SPRY1: variants seen among roughly 807,000 people sequenced by gnomAD.
The protein encoded by SPRY1 is sprouty RTK signaling antagonist 1.
Under a neutral mutation model 22.6 loss-of-function variants are expected in SPRY1, and 20 were observed. The observed-to-expected ratio is 0.89, with a 90% CI of 0.62 to 1.29. The LOEUF (loss-of-function observed/expected upper bound fraction) is 1.29. Among genes scored for constraint, SPRY1 ranks in the 50% most tolerant of loss-of-function variants. The probability of loss-of-function intolerance (pLI) is 0.00; values close to 1 mark genes in which losing one functional copy is unlikely to be tolerated. For synonymous variants in SPRY1, 155 were observed against 144.7 expected (o/e 1.07, Z -0.51); for missense variants, 446 against 387.7 (o/e 1.15, Z -1.26).
At chr4:123,401,353 G>A (rs1479551170) in intron 2 of SPRY1, among the ~76,000 whole-genome samples, 184 bp from the exon 3 acceptor site, 3 of 152,032 alleles carry the variant, frequency 2.0e-5, no homozygotes, top group Non-Finnish European at 4.4e-5. Flanking sequence ...CCTCTATGAT[G>A]TGGTCCCCAG....
chr4:123,397,227 G>C (rs1047012660), intron 1 of SPRY1, among the ~76,000 whole-genome samples: 1 of 152,216 alleles, frequency 6.6e-6, no homozygotes, highest in African/African-American at 2.4e-5. Context: ...TATGCGAAGA[G>C]GGGCTAGCAC....
chr4:123,398,170 C>A (rs775787489), intron 2 of SPRY1: 2 of 152,364 alleles, frequency 1.3e-5, no homozygotes, highest in Non-Finnish European at 2.9e-5. Context: ...ACTTGGGAAG[C>A]CTTCCTGAAA....
chr4:123,401,671 T>C lies in SPRY1; in HGVS notation c.80T>C (p.Leu27Ser), dbSNP rs1020791706. ...QQPSLDSRQR[L>S]DYEREIQPTA... ...CCTTCTTTGGATAGCCGTCAGAGAT[T>C]AGACTATGAGAGAGAGATTCAGCCT... is the stretch of plus-strand genomic sequence containing the variant. Residue 27 changes from leucine (L) to serine (S), a missense_variant, in exon 3 of 3, where the codon TTA (leucine) becomes TCA (serine). By Grantham distance (145) the Leu-to-Ser change is moderately radical (BLOSUM62 -2). Coordinates refer to ENST00000651917, the MANE Select transcript of SPRY1 (RefSeq NM_001258038.2). 6.2e-6 allele frequency: 10 copies of C among 1,614,022 alleles called. No homozygotes were observed. The Admixed American group carries it at 8.3e-5, about 13-fold the overall frequency.
chr4:123,400,992 T>A (rs1446573265), intron 2 of SPRY1, among the ~76,000 whole-genome samples: 3 of 152,208 alleles, frequency 2.0e-5, no homozygotes, highest in African/African-American at 2.4e-5. Context: ...AAATTACCTA[T>A]TATTTTGCGA....
chr4:123,397,270 G>C (rs908549621), intron 1 of SPRY1, among the ~76,000 whole-genome samples: 1 of 152,182 alleles, frequency 6.6e-6, no homozygotes, highest in Non-Finnish European at 1.5e-5. Context: ...GTTTGTTTAG[G>C]CATTGTTGGC....
At chr4:123,401,490 T>G in intron 2 of SPRY1, 47 bp from the exon 3 acceptor site, 2 of 1,409,988 alleles carry the variant, frequency 1.4e-6, no homozygotes, top group Non-Finnish European at 1.9e-6. Flanking sequence ...AAAAAAATGC[T>G]TCCTGTCATT....
In SPRY1 at chr4:123,403,525, A is replaced by G. The variant is rs893360693; in HGVS notation, c.*974A>G. On this transcript the variant is annotated 3_prime_UTR_variant, in exon 3 of 3. Coordinates refer to ENST00000651917, the MANE Select transcript of SPRY1 (RefSeq NM_001258038.2). ...TGCTTTTTGTATATTTTATGTATAA[A>G]TCACAAAGTTGAATTCTGACTATTT... The G allele has an allele frequency of 6.0e-6, 1 of 167,050 alleles. No individual in the cohort carries two copies. Among genetic ancestry groups the G allele is most frequent in the Non-Finnish European group, 1.5e-5 (1 of 68,112 alleles). The allele number at this position is 167,050 out of a possible 1,614,324, so 10.3% of individuals were successfully genotyped here.
intron 2 of SPRY1, among the ~76,000 whole-genome samples, chr4:123,398,953 A>G (rs949918615): frequency 2.0e-5 from 3 of 152,102 alleles, no homozygotes; most frequent in Admixed American, 1.3e-4. Flanking sequence ...GTGTGTGTGT[A>G]GGCACATCCC....
rs1301960824 is a variant in SPRY1, at chr4:123,402,501, T to C, written c.910T>C (p.Tyr304His). The C allele has an allele frequency of 1.8e-5, 29 of 1,614,032 alleles. No homozygotes were observed. The Admixed American group carries it at 3.8e-4, about 21-fold the overall frequency. The change falls in exon 3 of 3, where the codon TAT becomes CAT. Residue 304 changes from tyrosine (Y) to histidine (H), a missense_variant. Transcript: ENST00000651917. ...CAGATGTAAGAACTCCAACACTGTCTATTGTAAGCTGGAGAGCTGCCCCTC... is the reference window on the plus strand; with the variant it reads ...CAGATGTAAGAACTCCAACACTGTCCATTGTAAGCTGGAGAGCTGCCCCTC... ...GCRCKNSNTV[Y>H]CKLESCPSRG...
chr4:123,401,474 C>A (rs1560732081), intron 2 of SPRY1, 63 bp from the exon 3 acceptor site: 3 of 1,311,258 alleles, frequency 2.3e-6, no homozygotes, highest in Middle Eastern at 2.8e-4. Context: ...GGATTCCCCC[C>A]CCCCAAAAAA....
chr4:123,402,202 G>A lies in SPRY1; in HGVS notation c.611G>A (p.Cys204Tyr), dbSNP rs151050902. The part of the protein sequence containing the change: ...APRTLPSCLA[C>Y]NRQCLCSAES... Reference sequence around the variant, plus strand: ...AGGACCCTACCATCCTGTTTGGCCTGTAACCGGCAGTGCCTTTGCTCTGCT... The same window carrying A: ...AGGACCCTACCATCCTGTTTGGCCTATAACCGGCAGTGCCTTTGCTCTGCT... Residue 204 changes from cysteine to tyrosine, a missense_variant, in exon 3 of 3, where the codon TGT becomes TAT. Cys to Tyr is a radical substitution (Grantham distance 194). Transcript: ENST00000651917. The A allele has an allele frequency of 1.2e-6, 2 of 1,614,238 alleles. No individual in the cohort carries two copies. Among genetic ancestry groups the A allele is most frequent in the Non-Finnish European group, 8.5e-7 (1 of 1,180,040 alleles).
chr4:123,401,466 A>C, intron 2 of SPRY1, 71 bp from the exon 3 acceptor site: 211 of 1,192,358 alleles, frequency 1.8e-4, no homozygotes, highest in African/African-American at 2.0e-4. Flanking sequence ...ATTTGACAGG[A>C]TTCCCCCCCC....
intron 2 of SPRY1, among the ~76,000 whole-genome samples, chr4:123,398,933 G>A (rs547558175): frequency 1.3e-5 from 2 of 152,268 alleles, no homozygotes; most frequent in Admixed American, 6.5e-5. Context: ...CAAAGGCTGT[G>A]TGTGTGCGTG....
chr4:123,396,983 T>C (rs545598400), intron 1 of SPRY1, 51 bp downstream of exon 1: 2 of 152,240 alleles, frequency 1.3e-5, no homozygotes, highest in Admixed American at 6.5e-5. Flanking sequence ...AGGTGAGAAA[T>C]GTTGACTTTT....
chr4:123,397,367 A>AACAAGGCCTAGG (rs1724951356), intron 1 of SPRY1, among the ~76,000 whole-genome samples: 3 of 152,138 alleles, frequency 2.0e-5, no homozygotes, highest in Non-Finnish European at 4.4e-5. Flanking sequence ...CGTTGCTTGA[A>AACAAGGCCTAGG]CGTTGTTTGA....
intron 2 of SPRY1, among the ~76,000 whole-genome samples, chr4:123,401,256 G>C (rs763808650): frequency 2.0e-5 from 3 of 152,106 alleles, no homozygotes; most frequent in Non-Finnish European, 2.9e-5. Context: ...TCACAAACAG[G>C]AAGGCATTAC....
In SPRY1 at chr4:123,402,877, C is replaced by G. The variant is rs1725231216; in HGVS notation, c.*326C>G. ...TGTGTACATGAACATACACCCACATCCAGACTACAGTGATTTAGAGTTGTT... is the reference window on the plus strand; with the variant it reads ...TGTGTACATGAACATACACCCACATGCAGACTACAGTGATTTAGAGTTGTT... On this transcript the variant is annotated 3_prime_UTR_variant, in exon 3 of 3. Transcript: ENST00000651917. 1 of 473,058 alleles carries G rather than the reference C, an allele frequency of 2.1e-6. No homozygotes were observed. The highest frequency in any genetic ancestry group is 2.0e-5 in the African/African-American group (1 of 50,576). 29.3% of individuals were successfully genotyped at this position (473,058 alleles called of 1,614,324 possible). A position where few individuals can be genotyped will look rare whatever the true frequency, so the allele number is the denominator to read the frequency against.
Position 123,402,528 on chromosome 4 carries a change from CGG to C in SPRY1, c.940_941del (p.Gly314SerfsTer3). On this transcript the variant is annotated frameshift_variant, in exon 3 of 3. Transcript: ENST00000651917. LOFTEE classifies it high-confidence loss of function. ...TTGTAAGCTGGAGAGCTGCCCCTCC[CGG>C]GGTCAGGGTAAACCATCATGATTTT... ...VYCKLESCPS[R>X]GQGKPS The C allele has an allele frequency of 6.2e-7, 1 of 1,613,408 alleles. No homozygotes were observed. The highest frequency in any genetic ancestry group is 1.6e-4 in the Middle Eastern group (1 of 6,062).
chr4:123,401,723 C>T lies in SPRY1; in HGVS notation c.132C>T (p.Ile44=), dbSNP rs201890938. The T allele has an allele frequency of 1.5e-4, 247 of 1,614,008 alleles. No individual in the cohort carries two copies. Among genetic ancestry groups the T allele is most frequent in the Non-Finnish European group, 2.0e-4 (235 of 1,180,042 alleles). Residue 44 remains isoleucine, a synonymous_variant, in exon 3 of 3, where the codon ATC becomes ATT. Transcript: ENST00000651917. Reference sequence around the variant, plus strand: ...CTGCTATTTTGTCCTTAGACCAGATCAAGGCCATAAGAGGCAGCAATGAAT... The same window carrying T: ...CTGCTATTTTGTCCTTAGACCAGATTAAGGCCATAAGAGGCAGCAATGAAT... The part of the protein sequence containing the change: ...QPTAILSLDQ[I]KAIRGSNEYT...
Sources: gnomAD v4.1 joint callset for allele counts (sites outside exome capture counted in the v4.1 genomes callset) on GRCh38, gnomAD v4.1.1 for gene constraint, MANE v1.5 for transcripts, NCBI Gene and HGNC (gene_info 2026-07-23, HGNC 2026-07-21) for gene names.